Variants in GALNT17 observed in about 807,000 individuals in gnomAD.
GALNT17 encodes the protein polypeptide N-acetylgalactosaminyltransferase 17, also known as UDP-GalNAc:polypeptide N-acetylgalactosaminyltransferase-like 3.
A neutral mutation model predicts 63.7 loss-of-function variants in GALNT17; 29 were observed. The observed-to-expected ratio is 0.46, with a 90% CI of 0.34 to 0.62. The LOEUF (loss-of-function observed/expected upper bound fraction) is 0.62. GALNT17 is among the 20% of genes least tolerant of loss of function. GALNT17 has a pLI of 0.01. For synonymous variants in GALNT17, 305 were observed against 318.3 expected (o/e 0.96, Z 0.45); for missense variants, 603 against 799.6 (o/e 0.75, Z 2.97).
chr7:71,417,577 G>C (rs1008427187), intron 4 of GALNT17, among the ~76,000 whole-genome samples: 5 of 152,160 alleles, frequency 3.3e-5, no homozygotes, highest in African/African-American at 1.2e-4. Context: ...GCTCCACTCA[G>C]TCCCCTGAAA....
intron 1 of GALNT17, among the ~76,000 whole-genome samples, chr7:71,149,147 G>A (rs1393873559): frequency 2.0e-5 from 3 of 151,974 alleles, no homozygotes; most frequent in Non-Finnish European, 2.9e-5. Flanking sequence ...CTCAAACTCA[G>A]AGCTCAAGCA....
At chr7:71,478,167 G>A (rs1274979378) in intron 5 of GALNT17, among the ~76,000 whole-genome samples, 3 of 152,134 alleles carry the variant, frequency 2.0e-5, no homozygotes, top group South Asian at 2.1e-4. Flanking sequence ...TGGAACCAGC[G>A]TGCTTGTAGC....
At chr7:71,539,513 A>G (rs1239877920) in intron 5 of GALNT17, among the ~76,000 whole-genome samples, 1 of 152,190 alleles carries the variant, frequency 6.6e-6, no homozygotes, top group Non-Finnish European at 1.5e-5. Flanking sequence ...GTGTACAGGT[A>G]CATGCACTCA....
rs73356109 is a variant in GALNT17 at position 71,712,316 on chromosome 7, C to G, written c.*170C>G. 2.0e-3 allele frequency: 1,480 copies of G among 749,296 alleles called. 21 individuals carry two copies. In the African/African-American group the frequency reaches 0.024, roughly 12 times the overall value. 46.4% of individuals were successfully genotyped at this position (749,296 alleles called of 1,614,324 possible). On this transcript the variant is annotated 3_prime_UTR_variant, in exon 11 of 11. Transcript: ENST00000333538. ...GACCCCGGATGAAGACTCTGTCCCC[C>G]CTCAGGCATTCAGCTGCCCACAAGT...
intron 5 of GALNT17, among the ~76,000 whole-genome samples, chr7:71,437,345 C>T (rs569127582): frequency 1.3e-5 from 2 of 152,312 alleles, no homozygotes; most frequent in South Asian, 4.1e-4. Context: ...TTTACAATTT[C>T]TCCCACCATC....
At chr7:71,434,324 C>T (rs957851842) in intron 5 of GALNT17, among the ~76,000 whole-genome samples, 2 of 152,144 alleles carry the variant, frequency 1.3e-5, no homozygotes, top group Admixed American at 1.3e-4. Flanking sequence ...AAGGAACATC[C>T]TTGGTGAAGG....
At chr7:71,477,277 T>C (rs1321538637) in intron 5 of GALNT17, among the ~76,000 whole-genome samples, 2 of 152,112 alleles carry the variant, frequency 1.3e-5, no homozygotes, top group Non-Finnish European at 2.9e-5. Flanking sequence ...AAGAGAATAA[T>C]GGGATTATGA....
intron 6 of GALNT17, among the ~76,000 whole-genome samples, chr7:71,626,844 G>A (rs1484361565): frequency 6.6e-6 from 1 of 152,208 alleles, no homozygotes; most frequent in Non-Finnish European, 1.5e-5. Flanking sequence ...ACAGCCTAGA[G>A]CTGATGGCTT....
chr7:71,248,713 A>G (rs1790144251), intron 1 of GALNT17, among the ~76,000 whole-genome samples: 1 of 152,190 alleles, frequency 6.6e-6, no homozygotes. Context: ...TTGTAATACT[A>G]GCAACTCATT....
chr7:71,422,976 C>T (rs1047801747), intron 5 of GALNT17, among the ~76,000 whole-genome samples: 2 of 152,158 alleles, frequency 1.3e-5, no homozygotes, highest in African/African-American at 4.8e-5. Context: ...CCTTCAACTA[C>T]CCCTGGCCGA....
chr7:71,655,301 T>C (rs1423443093), intron 6 of GALNT17, among the ~76,000 whole-genome samples: 1 of 152,114 alleles, frequency 6.6e-6, no homozygotes, highest in East Asian at 1.9e-4. Flanking sequence ...TTCTGCTACC[T>C]GGAAGGGAAT....
chr7:71,187,867 T>C (rs546597292), intron 1 of GALNT17, among the ~76,000 whole-genome samples: 31 of 152,216 alleles, frequency 2.0e-4, no homozygotes, highest in Non-Finnish European at 4.0e-4. Context: ...GCACTCAATT[T>C]GTAGTCTTCC....
chr7:71,220,296 G>A (rs117007209), intron 1 of GALNT17, among the ~76,000 whole-genome samples: 2,627 of 152,306 alleles, frequency 0.017, 28 homozygotes, highest in Middle Eastern at 0.037. Context: ...AGAAGTCTCT[G>A]TTAGACCTTT....
At chr7:71,535,564 A>T (rs1376244174) in intron 5 of GALNT17, among the ~76,000 whole-genome samples, 1 of 152,246 alleles carries the variant, frequency 6.6e-6, no homozygotes, top group Non-Finnish European at 1.5e-5. Flanking sequence ...TGTACATAAA[A>T]TTCATGTTTG....
At chr7:71,643,922 AT>A (rs1210361409) in intron 6 of GALNT17, among the ~76,000 whole-genome samples, 1 of 152,210 alleles carries the variant, frequency 6.6e-6, no homozygotes, top group Non-Finnish European at 1.5e-5. Flanking sequence ...AGAGAAGTGA[AT>A]GGGATGGGGC....
At position 71,421,002 on chromosome 7, in the gene GALNT17, C is replaced by T. The variant is rs775779137; in HGVS notation, c.859C>T (p.Arg287Trp). ...CAAACAGGACAACTTTGAGGTGCAG[C>T]GGTACGAGAACTCGGCCCACGGGTA... Reference protein sequence around the residue: ...NIKQDNFEVQRYENSAHGYSW... With the variant: ...NIKQDNFEVQWYENSAHGYSW... Residue 287 changes from arginine to tryptophan, a missense_variant, in exon 5 of 11, where the codon CGG becomes TGG. This residue lies in a region of GALNT17 where 336 missense variants were observed against 507.8 expected (regional missense o/e 0.66). Coordinates refer to ENST00000333538, the MANE Select transcript of GALNT17 (RefSeq NM_022479.3). 3 of 1,614,100 alleles carry T rather than the reference C, an allele frequency of 1.9e-6. No homozygotes were observed. The highest frequency in any genetic ancestry group is 1.7e-4 in the Middle Eastern group (1 of 6,060).
chr7:71,547,289 C>T (rs1391840169), intron 5 of GALNT17, among the ~76,000 whole-genome samples: 2 of 152,076 alleles, frequency 1.3e-5, no homozygotes, highest in East Asian at 3.9e-4. Flanking sequence ...CTCAGCCTCC[C>T]GAGTACCTGG....
At position 71,681,096 on chromosome 7, in the gene GALNT17, T is replaced by C. The variant is rs78734287; in HGVS notation, c.1500+3790T>C. On this transcript the variant is annotated intron_variant, in intron 9 of 10. Coordinates refer to ENST00000333538, the MANE Select transcript of GALNT17 (RefSeq NM_022479.3). The stretch of plus-strand genomic sequence containing the variant: ...TCCATTTTTTTGTAGACATAGAGTC[T>C]TGCTGTGTTGCCTGGGCTTGTCTTG... Among the ~76,000 whole-genome samples the C allele has an allele frequency of 4.8e-3, 738 of 152,266 alleles. 33 individuals carry two copies. In the East Asian group the frequency reaches 0.1, roughly 21 times the overall value.
chr7:71,265,796 TG>T (rs1790482861), intron 1 of GALNT17, among the ~76,000 whole-genome samples: 1 of 152,220 alleles, frequency 6.6e-6, no homozygotes, highest in African/African-American at 2.4e-5. Context: ...TTGTGTCTAC[TG>T]GGAGTTCAGT....
Sources: gnomAD v4.1 joint callset for allele counts (sites outside exome capture counted in the v4.1 genomes callset) on GRCh38, gnomAD v4.1.1 for gene constraint, gnomAD v4.1.1 regional missense constraint, MANE v1.5 for transcripts, NCBI Gene and HGNC (gene_info 2026-07-23, HGNC 2026-07-21) for gene names.